Variants in RASSF9 observed in about 807,000 individuals in gnomAD.
The protein encoded by RASSF9 is ras association domain-containing protein 9.
RASSF9 carries 18 observed loss-of-function variants against 21.4 expected under a neutral mutation model. The ratio of observed to expected loss-of-function variants is 0.84; its 90% CI spans 0.58 to 1.25. The LOEUF (loss-of-function observed/expected upper bound fraction) is 1.25, where lower values mean the gene tolerates loss of function less well. Among genes scored for constraint, RASSF9 ranks in the 50% most tolerant of loss-of-function variants. RASSF9 has a pLI of 0.00. For synonymous variants in RASSF9, 183 were observed against 179.1 expected, an observed-to-expected ratio of 1.02 and a Z score of -0.18; for missense variants, 480 against 503.2, an observed-to-expected ratio of 0.95 and a Z score of 0.44.
At position 85,804,567 on chromosome 12, in the gene RASSF9, T is replaced by G. The variant is rs1879772831; in HGVS notation, c.*135A>C. On this transcript the variant is annotated 3_prime_UTR_variant, in exon 2 of 2. Transcript: ENST00000361228. ...AAATTTCACATCAGAAACAACACATTTCTCGAGTTTTTATTAACTATTGAA... is the reference window on the plus strand; with the variant it reads ...AAATTTCACATCAGAAACAACACATGTCTCGAGTTTTTATTAACTATTGAA... 5 of 870,954 alleles carry G rather than the reference T, an allele frequency of 5.7e-6. No homozygotes were observed. Among genetic ancestry groups the G allele is most frequent in the East Asian group, 5.8e-5 (2 of 34,514 alleles). The allele number at this position is 870,954 out of a possible 1,614,324, so 54.0% of individuals were successfully genotyped here.
chr12:85,816,430 G>T (rs531935844), intron 1 of RASSF9, among the ~76,000 whole-genome samples: 2 of 151,968 alleles, frequency 1.3e-5, no homozygotes, highest in East Asian at 3.9e-4. Context: ...GTTTTCAGCC[G>T]AAATTTTCTT....
Position 85,805,231 on chromosome 12 carries a change from A to G in RASSF9, c.779T>C (p.Leu260Pro). 6.2e-7 allele frequency: 1 copy of G among 1,613,786 alleles called. No individual in the cohort carries two copies. The highest frequency in any genetic ancestry group is 8.5e-7 in the Non-Finnish European group (1 of 1,179,896). The change falls in exon 2 of 2, where the codon CTG becomes CCG. Residue 260 changes from leucine (L) to proline (P), a missense_variant. Coordinates refer to ENST00000361228, the MANE Select transcript of RASSF9 (RefSeq NM_005447.4). The stretch of plus-strand genomic sequence containing the variant: ...CTGTTCAATTCCATCACTTTCGCTC[A>G]GGTCCTCCAGAGTCTGGTTTTCCTC... ...QYEENQTLED[L>P]SESDGIEQLE...
chr12:85,817,820 G>A (rs546875095), intron 1 of RASSF9, among the ~76,000 whole-genome samples: 21 of 152,134 alleles, frequency 1.4e-4, no homozygotes, highest in African/African-American at 4.1e-4. Context: ...ACCACACTAA[G>A]CATTACTAGA....
At position 85,807,750 on chromosome 12, in the gene RASSF9, T is replaced by A. The variant is rs1469024031; in HGVS notation, c.48-1788A>T. Among the ~76,000 whole-genome samples the A allele has an allele frequency of 3.3e-5, 5 of 152,112 alleles. No individual in the cohort carries two copies. In the South Asian group the frequency reaches 6.2e-4, roughly 19 times the overall value. ...CAAGGGGAAAAAAACACTTCAGTTC[T>A]CTGGAGAAAAAATGACACAGGTAGT... On this transcript the variant is annotated intron_variant, in intron 1 of 1. Coordinates refer to ENST00000361228, the MANE Select transcript of RASSF9 (RefSeq NM_005447.4).
intron 1 of RASSF9, among the ~76,000 whole-genome samples, chr12:85,825,783 TACACACACACAC>T (rs112920213): frequency 2.0e-5 from 3 of 147,192 alleles, no homozygotes; most frequent in East Asian, 2.0e-4. Context: ...ATGTGATCTT[TACACACACACAC>T]ACACACACAC....
intron 1 of RASSF9, among the ~76,000 whole-genome samples, chr12:85,817,115 A>C (rs1880088064): frequency 6.6e-6 from 1 of 152,144 alleles, no homozygotes; most frequent in Non-Finnish European, 1.5e-5. Context: ...ACATTAAATA[A>C]TAAAGATGTG....
At chr12:85,812,742 CTAT>C (rs1316700907) in intron 1 of RASSF9, among the ~76,000 whole-genome samples, 1 of 151,494 alleles carries the variant, frequency 6.6e-6, no homozygotes, top group Non-Finnish European at 1.5e-5. Context: ...AAAATTACCA[CTAT>C]TATTATTTAA....
At chr12:85,835,885 G>A (rs147733500) in intron 1 of RASSF9, among the ~76,000 whole-genome samples, 1 of 152,084 alleles carries the variant, frequency 6.6e-6, no homozygotes, top group African/African-American at 2.4e-5. Flanking sequence ...TGGTCAAAAG[G>A]GGAGAAAGGA....
intron 1 of RASSF9, among the ~76,000 whole-genome samples, chr12:85,806,694 A>AT: frequency 6.9e-6 from 1 of 144,034 alleles, no homozygotes; most frequent in East Asian, 2.0e-4. Flanking sequence ...AAAAAAAAAA[A>AT]AAAAAAAGTC....
chr12:85,802,600 A>C lies in RASSF9; in HGVS notation c.*2102T>G, dbSNP rs374569982. 2.3e-4 allele frequency: 35 copies of C among 152,310 alleles called. No homozygotes were observed. The East Asian group carries it at 3.9e-3, about 17-fold the overall frequency. 9.4% of individuals were successfully genotyped at this position (152,310 alleles called of 1,614,324 possible). ...AATTCAAAGTTTCTAAGATGAAATT[A>C]TCTCTCCAGGCCTACTTCTTATCAG... On this transcript the variant is annotated 3_prime_UTR_variant, in exon 2 of 2. Coordinates refer to ENST00000361228, the MANE Select transcript of RASSF9 (RefSeq NM_005447.4).
intron 1 of RASSF9, among the ~76,000 whole-genome samples, chr12:85,806,368 T>G (rs1879834663): frequency 6.7e-6 from 1 of 148,242 alleles, no homozygotes. Context: ...CATTTTTAAG[T>G]TGAGAATAAG....
intron 1 of RASSF9, among the ~76,000 whole-genome samples, chr12:85,807,188 A>G (rs1057235830): frequency 5.3e-5 from 8 of 152,182 alleles, no homozygotes; most frequent in African/African-American, 1.9e-4. Context: ...TCAGGAAAGA[A>G]TTCCAGGAAC....
chr12:85,829,543 A>G (rs1880405560), intron 1 of RASSF9, among the ~76,000 whole-genome samples: 1 of 151,970 alleles, frequency 6.6e-6, no homozygotes, highest in Admixed American at 6.6e-5. Flanking sequence ...CGTTTCTTGG[A>G]TTCTTTTCTT....
chr12:85,835,164 A>T (rs1388369672), intron 1 of RASSF9, among the ~76,000 whole-genome samples: 1 of 152,166 alleles, frequency 6.6e-6, no homozygotes, highest in Non-Finnish European at 1.5e-5. Flanking sequence ...TAAAATAATT[A>T]TATCATTTCC....
chr12:85,807,822 A>AT (rs1879868887), intron 1 of RASSF9, among the ~76,000 whole-genome samples: 1 of 152,186 alleles, frequency 6.6e-6, no homozygotes, highest in African/African-American at 2.4e-5. Context: ...CTATTGGAAC[A>AT]TTTTTAAGAT....
At chr12:85,824,542 A>G (rs1055364104) in intron 1 of RASSF9, among the ~76,000 whole-genome samples, 1 of 152,112 alleles carries the variant, frequency 6.6e-6, no homozygotes, top group Non-Finnish European at 1.5e-5. Context: ...TAAACTGCAA[A>G]TCTATTTTTT....
rs1380074305 is a variant in RASSF9 at position 85,803,661 on chromosome 12, T to C, written c.*1041A>G. 6.6e-6 allele frequency: 1 copy of C among 152,172 alleles called. No homozygotes were observed. The highest frequency in any genetic ancestry group is 1.5e-5 in the Non-Finnish European group (1 of 68,020). 9.4% of individuals were successfully genotyped at this position (152,172 alleles called of 1,614,324 possible). A position where few individuals can be genotyped will look rare whatever the true frequency, so the allele number is the denominator to read the frequency against. On this transcript the variant is annotated 3_prime_UTR_variant, in exon 2 of 2. Coordinates refer to ENST00000361228, the MANE Select transcript of RASSF9 (RefSeq NM_005447.4). ...TAAGACCTAAATAATCCCTTCAATTTCTTGAATTCTTACTAGTGTGTTGGG... is the reference window on the plus strand; with the variant it reads ...TAAGACCTAAATAATCCCTTCAATTCCTTGAATTCTTACTAGTGTGTTGGG...
chr12:85,811,906 A>C (rs1275546918), intron 1 of RASSF9, among the ~76,000 whole-genome samples: 1 of 151,820 alleles, frequency 6.6e-6, no homozygotes, highest in Non-Finnish European at 1.5e-5. Flanking sequence ...TTCTGATTAA[A>C]ACTCATCACA....
At chr12:85,832,863 A>T (rs1880479720) in intron 1 of RASSF9, among the ~76,000 whole-genome samples, 1 of 151,932 alleles carries the variant, frequency 6.6e-6, no homozygotes, top group African/African-American at 2.4e-5. Context: ...ATTCTCTTAA[A>T]ACCGAAGTCT....
Sources: allele counts gnomAD v4.1 joint callset (sites outside exome capture counted in the v4.1 genomes callset), GRCh38; gene constraint gnomAD v4.1.1; transcripts MANE v1.5; gene names NCBI Gene and HGNC (gene_info 2026-07-23, HGNC 2026-07-21).